DPP10: variants seen among roughly 807,000 people sequenced by gnomAD.
DPP10 encodes dipeptidyl peptidase like 10.
DPP10 carries 33 observed loss-of-function variants against 120.9 expected under a neutral mutation model. The observed-to-expected ratio is 0.27, with a 90% CI of 0.21 to 0.37. The LOEUF (loss-of-function observed/expected upper bound fraction) is 0.37. Among genes scored for constraint, DPP10 ranks in the 10% least tolerant of loss-of-function variants. The pLI is 1.00. For missense variants in DPP10, 816 were observed against 942.8 expected (o/e 0.87, Z 1.76); for synonymous variants, 337 against 326.1 (o/e 1.03, Z -0.36).
At chr2:114,591,552 C>CTTTTTTTTTTTTTTTTTT (rs1388048473) in intron 1 of DPP10, among the ~76,000 whole-genome samples, 5 of 128,506 alleles carry the variant, frequency 3.9e-5, no homozygotes, top group African/African-American at 1.6e-4. Flanking sequence ...CAACCTCTTC[C>CTTTTTTTTTTTTTTTTTT]TATTTTTTTT....
intron 1 of DPP10, among the ~76,000 whole-genome samples, chr2:115,251,588 GA>G (rs1049704864): frequency 2.4e-4 from 37 of 152,282 alleles, no homozygotes; most frequent in African/African-American, 7.9e-4. Context: ...AAAATGAGGA[GA>G]GGGGCAAAAA....
At chr2:115,420,840 G>A (rs574922340) in intron 3 of DPP10, among the ~76,000 whole-genome samples, 19 of 152,230 alleles carry the variant, frequency 1.2e-4, no homozygotes, top group Admixed American at 3.9e-4. Context: ...GGAAAATATC[G>A]AATACCTAAG....
chr2:114,763,392 G>T (rs777896013), intron 1 of DPP10, among the ~76,000 whole-genome samples: 3 of 152,162 alleles, frequency 2.0e-5, no homozygotes, highest in Non-Finnish European at 4.4e-5. Flanking sequence ...ACACTGGTTG[G>T]CAGAATGGCC....
intron 19 of DPP10, among the ~76,000 whole-genome samples, chr2:115,803,720 G>C (rs1450688604): frequency 6.6e-6 from 1 of 152,140 alleles, no homozygotes; most frequent in Non-Finnish European, 1.5e-5. Flanking sequence ...GAAATTCTGG[G>C]TTGAAAATGC....
chr2:115,334,230 G>GTTTTTTTTTTTTTTTTTTTTTTTTTTTTT lies in DPP10; in HGVS notation c.176-9571_176-9570insTTTTTTTTTTTTTTTTTTTTTTTTTTTTT. ...TCAGGAATGGACCAGAGCAGACTCT[G>GTTTTTTTTTTTTTTTTTTTTTTTTTTTTT]TTTTTTTTTTTTTTTTAAGAAACCT... On this transcript the variant is annotated intron_variant, in intron 2 of 25. Coordinates refer to ENST00000410059, the MANE Select transcript of DPP10 (RefSeq NM_020868.6). 8.6e-3 allele frequency among the ~76,000 whole-genome samples: 483 copies of GTTTTTTTTTTTTTTTTTTTTTTTTTTTTT among 56,314 alleles called. 146 individuals carry two copies. The highest frequency in any genetic ancestry group is 0.024 in the Middle Eastern group (2 of 84). The allele number at this position is 56,314 out of a possible 152,430, so 36.9% of individuals were successfully genotyped here.
chr2:114,943,051 C>G (rs1262077486), intron 1 of DPP10, among the ~76,000 whole-genome samples: 3 of 152,064 alleles, frequency 2.0e-5, no homozygotes, highest in Non-Finnish European at 4.4e-5. Context: ...CCTCCTCTAG[C>G]CCTCCACCCC....
At chr2:114,512,870 C>A (rs771649012) in intron 1 of DPP10, among the ~76,000 whole-genome samples, 1 of 152,154 alleles carries the variant, frequency 6.6e-6, no homozygotes, top group African/African-American at 2.4e-5. Context: ...GGAATGCCTG[C>A]ACCTCTGACC....
At chr2:115,589,316 T>A (rs11894231) in intron 5 of DPP10, among the ~76,000 whole-genome samples, 1,711 of 152,294 alleles carry the variant, frequency 0.011, 31 homozygotes, top group African/African-American at 0.04. Context: ...CATGCTTTAA[T>A]GTTGTCTGAA....
chr2:115,845,001 T>C lies in DPP10; in HGVS notation c.*2656T>C, dbSNP rs1259671003. 6.6e-6 allele frequency: 1 copy of C among 152,196 alleles called. No individual in the cohort carries two copies. The highest frequency in any genetic ancestry group is 6.5e-5 in the Admixed American group (1 of 15,268). 9.4% of individuals were successfully genotyped at this position (152,196 alleles called of 1,614,324 possible). A position where few individuals can be genotyped will look rare whatever the true frequency, so the allele number is the denominator to read the frequency against. On this transcript the variant is annotated 3_prime_UTR_variant, in exon 26 of 26. Coordinates refer to ENST00000410059, the MANE Select transcript of DPP10 (RefSeq NM_020868.6). The stretch of plus-strand genomic sequence containing the variant: ...CTCACTTCACTCTGAAAATGTGCCT[T>C]TTTTTAATTGGGTGTTTAGCATAAA...
intron 5 of DPP10, among the ~76,000 whole-genome samples, chr2:115,566,152 C>T (rs1165609639): frequency 6.6e-6 from 1 of 152,074 alleles, no homozygotes; most frequent in Non-Finnish European, 1.5e-5. Context: ...TGCAACAAAC[C>T]AGGAGCCACA....
chr2:115,844,370 CTTGTT>C lies in DPP10; in HGVS notation c.*2028_*2032del, dbSNP rs1690441358. 6.6e-6 allele frequency: 1 copy of C among 151,734 alleles called. No homozygotes were observed. The highest frequency in any genetic ancestry group is 1.5e-5 in the Non-Finnish European group (1 of 67,822). 9.4% of individuals were successfully genotyped at this position (151,734 alleles called of 1,614,324 possible). A position where few individuals can be genotyped will look rare whatever the true frequency, so the allele number is the denominator to read the frequency against. On this transcript the variant is annotated 3_prime_UTR_variant, in exon 26 of 26. Transcript: ENST00000410059. ...TTTGCCTTTTACTGTCATCATTTCTCTTGTTTTATTATTATTATCAATGTTTATCT... is the reference window on the plus strand; with the variant it reads ...TTTGCCTTTTACTGTCATCATTTCTCTTATTATTATTATCAATGTTTATCT...
chr2:114,966,235 CT>C (rs765607947), intron 1 of DPP10, among the ~76,000 whole-genome samples: 185 of 152,188 alleles, frequency 1.2e-3, no homozygotes, highest in Non-Finnish European at 1.8e-3. Flanking sequence ...TTGGTTTGTT[CT>C]TGCCCAAACT....
intron 1 of DPP10, among the ~76,000 whole-genome samples, chr2:114,548,398 G>T (rs887233115): frequency 2.0e-5 from 3 of 152,066 alleles, no homozygotes; most frequent in African/African-American, 7.2e-5. Context: ...GCGACATCTG[G>T]GTTCTCATTC....
intron 5 of DPP10, among the ~76,000 whole-genome samples, chr2:115,609,796 ATATT>A (rs1168065716): frequency 6.6e-6 from 1 of 152,162 alleles, no homozygotes; most frequent in Non-Finnish European, 1.5e-5. Context: ...GCTGTGAATA[ATATT>A]TATAAGGTCA....
chr2:115,652,411 G>GTGTA (rs375029204), intron 5 of DPP10, among the ~76,000 whole-genome samples: 5,177 of 61,602 alleles, frequency 0.084, 292 homozygotes, highest in African/African-American at 0.17. Context: ...GGATATATAT[G>GTGTA]TGTGTGTGTG....
chr2:115,445,202 T>G (rs1401307088), intron 3 of DPP10, among the ~76,000 whole-genome samples: 1 of 152,170 alleles, frequency 6.6e-6, no homozygotes, highest in South Asian at 2.1e-4. Flanking sequence ...TTAAATCTCT[T>G]TCCTTTATGA....
chr2:115,773,043 T>C (rs1014567334), intron 13 of DPP10, among the ~76,000 whole-genome samples: 1 of 152,166 alleles, frequency 6.6e-6, no homozygotes, highest in African/African-American at 2.4e-5. Flanking sequence ...GAAAACAGCA[T>C]GCCCCCAATC....
At chr2:114,825,311 A>T (rs1462512865) in intron 1 of DPP10, among the ~76,000 whole-genome samples, 1 of 152,208 alleles carries the variant, frequency 6.6e-6, no homozygotes, top group Non-Finnish European at 1.5e-5. Context: ...GAATCTAGAA[A>T]GTGATAATAT....
chr2:114,919,630 A>T (rs1695050893), intron 1 of DPP10, among the ~76,000 whole-genome samples: 1 of 152,256 alleles, frequency 6.6e-6, no homozygotes, highest in South Asian at 2.1e-4. Flanking sequence ...CTAAGAAGAA[A>T]TAATCAGCCA....
Sources: allele counts gnomAD v4.1 joint callset (sites outside exome capture counted in the v4.1 genomes callset), GRCh38; gene constraint gnomAD v4.1.1; transcripts MANE v1.5; gene names NCBI Gene and HGNC (gene_info 2026-07-23, HGNC 2026-07-21).